CPPED1: variants seen among roughly 807,000 people sequenced by gnomAD.
The protein encoded by CPPED1 is calcineurin like phosphoesterase domain containing 1.
In CPPED1, 28 loss-of-function variants were observed where a neutral mutation model predicts 28.0. The observed-to-expected ratio is 1.00, with a 90% CI of 0.74 to 1.37. The LOEUF (loss-of-function observed/expected upper bound fraction) is 1.37, where lower values mean the gene tolerates loss of function less well. CPPED1 is among the 40% of genes most tolerant of loss of function. CPPED1 has a pLI of 0.00. For missense variants in CPPED1, 504 were observed against 416.5 expected (o/e 1.21, Z -1.83); for synonymous variants, 198 against 180.2 (o/e 1.10, Z -0.79).
intron 2 of CPPED1, among the ~76,000 whole-genome samples, chr16:12,750,597 C>T (rs533775216): frequency 1.3e-5 from 2 of 152,228 alleles, no homozygotes; most frequent in East Asian, 3.9e-4. Flanking sequence ...CACAGATCAC[C>T]ATAACAGATA....
intron 2 of CPPED1, among the ~76,000 whole-genome samples, chr16:12,746,670 A>G (rs551626552): frequency 6.8e-4 from 103 of 152,198 alleles, no homozygotes; most frequent in African/African-American, 2.3e-3. Flanking sequence ...TTTGTAAAAG[A>G]AAAAAAATCA....
intron 3 of CPPED1, among the ~76,000 whole-genome samples, chr16:12,695,442 A>C (rs1277940828): frequency 6.6e-6 from 1 of 151,528 alleles, no homozygotes; most frequent in Non-Finnish European, 1.5e-5. Context: ...TTAAAAAAAA[A>C]ATCCTTTTCG....
intron 2 of CPPED1, among the ~76,000 whole-genome samples, chr16:12,706,753 C>T (rs117209127): frequency 0.02 from 3,091 of 152,144 alleles, 49 homozygotes; most frequent in South Asian, 0.031. Flanking sequence ...AGAGGACTCT[C>T]GGTCCCTGGA....
In CPPED1 at chr16:12,781,186, T is replaced by C. The variant is rs775265069; in HGVS notation, c.288A>G (p.Pro96=). ...VLCGDLIHAM[P]GKPWRTEQTE... Reference sequence around the variant, plus strand: ...CACAAGCGATGACCCGAGTCTTACCTGGCATGGCGTGGATGAGGTCGCCGC... The same window carrying C: ...CACAAGCGATGACCCGAGTCTTACCCGGCATGGCGTGGATGAGGTCGCCGC... Residue 96 remains proline (P), a splice_region_variant and synonymous_variant, in exon 2 of 4, where the codon CCA becomes CCG. Transcript: ENST00000381774. The C allele has an allele frequency of 1.9e-6, 3 of 1,611,834 alleles. No individual in the cohort carries two copies. The highest frequency in any genetic ancestry group is 2.2e-5 in the East Asian group (1 of 44,760).
chr16:12,786,317 A>G (rs2080562758), intron 1 of CPPED1, among the ~76,000 whole-genome samples: 1 of 152,228 alleles, frequency 6.6e-6, no homozygotes, highest in African/African-American at 2.4e-5. Context: ...GCACCAGCCT[A>G]CATACAACTA....
intron 1 of CPPED1, among the ~76,000 whole-genome samples, chr16:12,782,231 C>T (rs1410345618): frequency 2.0e-5 from 3 of 152,142 alleles, no homozygotes; most frequent in African/African-American, 7.2e-5. Context: ...CATTAATGGG[C>T]ACAGAAGTGC....
At chr16:12,722,366 G>C (rs111633055) in intron 2 of CPPED1, among the ~76,000 whole-genome samples, 1,974 of 152,342 alleles carry the variant, frequency 0.013, 38 homozygotes, top group African/African-American at 0.045. Context: ...GCTGAGGCAG[G>C]CTGCAGGGCA....
chr16:12,748,740 G>A (rs552759553), intron 2 of CPPED1, among the ~76,000 whole-genome samples: 15 of 151,948 alleles, frequency 9.9e-5, no homozygotes, highest in African/African-American at 2.2e-4. Context: ...AAAATTAGCC[G>A]GTTGTGGTGG....
Position 12,797,540 on chromosome 16 carries a change from G to A in CPPED1, c.70+6167C>T, listed in dbSNP as rs141327496. Among the ~76,000 whole-genome samples, 6 of 152,174 alleles carry A rather than the reference G, an allele frequency of 3.9e-5. No homozygotes were observed. The East Asian group carries it at 9.7e-4, about 25-fold the overall frequency. On this transcript the variant is annotated intron_variant, in intron 1 of 3. Coordinates refer to ENST00000381774, the MANE Select transcript of CPPED1 (RefSeq NM_018340.3). ...ACTGCACTCCAGCATAGGTGACAGAGTAAGACCCTGTCTCCAAAAAAAATT... is the reference window on the plus strand; with the variant it reads ...ACTGCACTCCAGCATAGGTGACAGAATAAGACCCTGTCTCCAAAAAAAATT...
intron 1 of CPPED1, among the ~76,000 whole-genome samples, chr16:12,795,241 G>A (rs1465102731): frequency 3.3e-5 from 5 of 152,182 alleles, no homozygotes; most frequent in East Asian, 1.9e-4. Flanking sequence ...CCCTTCCCCC[G>A]GGCAGATGTG....
intron 2 of CPPED1, among the ~76,000 whole-genome samples, chr16:12,748,650 C>A (rs1323114509): frequency 6.6e-6 from 1 of 152,132 alleles, no homozygotes; most frequent in Non-Finnish European, 1.5e-5. Flanking sequence ...CTTTGGAAGG[C>A]TGAGGTGGGC....
At chr16:12,692,653 C>A (rs2079969689) in intron 3 of CPPED1, among the ~76,000 whole-genome samples, 1 of 152,144 alleles carries the variant, frequency 6.6e-6, no homozygotes, top group Non-Finnish European at 1.5e-5. Flanking sequence ...GGAGGTTTGC[C>A]ACACCATGGG....
chr16:12,763,035 C>T (rs908088136), intron 2 of CPPED1, among the ~76,000 whole-genome samples: 3 of 152,042 alleles, frequency 2.0e-5, no homozygotes, highest in African/African-American at 7.2e-5. Context: ...TCAAGACCAG[C>T]CTGGCCAACA....
In CPPED1 at chr16:12,711,656, T is replaced by C. The variant is rs367731891; in HGVS notation, c.290-6607A>G. On this transcript the variant is annotated intron_variant, in intron 2 of 3. Coordinates refer to ENST00000381774, the MANE Select transcript of CPPED1 (RefSeq NM_018340.3). ...GCAGACACATTCACCATCATTCTAATAGGAGCCCCCATGATGGTGCCCTTG... is the reference window on the plus strand; with the variant it reads ...GCAGACACATTCACCATCATTCTAACAGGAGCCCCCATGATGGTGCCCTTG... Among the ~76,000 whole-genome samples the C allele has an allele frequency of 1.6e-4, 24 of 152,238 alleles. No homozygotes were observed. The South Asian group carries it at 5.0e-3, about 32-fold the overall frequency.
At chr16:12,679,240 G>A (rs1481958085) in intron 3 of CPPED1, among the ~76,000 whole-genome samples, 3 of 152,152 alleles carry the variant, frequency 2.0e-5, no homozygotes, top group Non-Finnish European at 4.4e-5. Flanking sequence ...GAACAAAGCA[G>A]GTTCACGGAC....
At chr16:12,706,128 G>A (rs999023586) in intron 2 of CPPED1, among the ~76,000 whole-genome samples, 6 of 151,960 alleles carry the variant, frequency 3.9e-5, no homozygotes, top group African/African-American at 9.7e-5. Context: ...AGAAACAGGC[G>A]ATCTATATTA....
chr16:12,793,534 G>T (rs556663360), intron 1 of CPPED1, among the ~76,000 whole-genome samples: 11 of 152,170 alleles, frequency 7.2e-5, no homozygotes, highest in African/African-American at 2.6e-4. Flanking sequence ...AACCTCTCTG[G>T]GACTCAGTCT....
intron 3 of CPPED1, among the ~76,000 whole-genome samples, chr16:12,679,384 T>C (rs1169698026): frequency 6.6e-6 from 1 of 152,198 alleles, no homozygotes; most frequent in African/African-American, 2.4e-5. Flanking sequence ...AAACAATGCA[T>C]ACTTGTTAAA....
At chr16:12,768,787 G>T (rs964918918) in intron 2 of CPPED1, among the ~76,000 whole-genome samples, 3 of 151,974 alleles carry the variant, frequency 2.0e-5, no homozygotes, top group Non-Finnish European at 4.4e-5. Context: ...GAGATCACAT[G>T]GATTTTTTTT....
Sources: gnomAD v4.1 joint callset for allele counts (sites outside exome capture counted in the v4.1 genomes callset) on GRCh38, gnomAD v4.1.1 for gene constraint, MANE v1.5 for transcripts, NCBI Gene and HGNC (gene_info 2026-07-23, HGNC 2026-07-21) for gene names.